NEK10: variants seen among roughly 807,000 people sequenced by gnomAD.
NEK10 encodes NIMA related kinase 10, also known as serine/threonine-protein kinase Nek10.
In NEK10, 122 loss-of-function variants were observed where a neutral mutation model predicts 159.8. That is an observed-to-expected ratio of 0.76 (90% CI 0.66 to 0.89). The LOEUF (loss-of-function observed/expected upper bound fraction) is 0.89. Ranked by LOEUF, NEK10 falls within the 40% of genes least tolerant of loss-of-function variation. NEK10 has a pLI of 0.00. For synonymous variants in NEK10, 466 were observed against 457.1 expected, an observed-to-expected ratio of 1.02 and a Z score of -0.25; for missense variants, 1,342 against 1,323.1, an observed-to-expected ratio of 1.01 and a Z score of -0.22.
chr3:27,366,770 C>T (rs1464912024), intron 1 of NEK10, among the ~76,000 whole-genome samples: 1 of 151,532 alleles, frequency 6.6e-6, no homozygotes, highest in African/African-American at 2.4e-5. Context: ...TGTAAACTCA[C>T]CATGACAATT....
Position 27,352,482 on chromosome 3 carries a change from G to T in NEK10, c.115C>A (p.Gln39Lys). Reference protein sequence around the residue: ...LKRLRCLLNVQSSKQQLPAIN... With the variant: ...LKRLRCLLNVKSSKQQLPAIN... ...AACGCTACCTGTTGTTTGCTTGATT[G>T]GACGTTCAAAAGGCACCGAAGTCTT... Residue 39 changes from glutamine to lysine, a missense_variant, in exon 3 of 36, where the codon CAA becomes AAA. Gln to Lys is a moderately conservative substitution (Grantham distance 53, BLOSUM62 1). Transcript: ENST00000691995. The T allele has an allele frequency of 6.2e-7, 1 of 1,610,664 alleles. No individual in the cohort carries two copies. The highest frequency in any genetic ancestry group is 8.5e-7 in the Non-Finnish European group (1 of 1,177,080).
intron 25 of NEK10, among the ~76,000 whole-genome samples, chr3:27,198,427 A>G (rs1368070289): frequency 6.6e-6 from 1 of 152,156 alleles, no homozygotes; most frequent in East Asian, 1.9e-4. Context: ...TATTGATACA[A>G]AAACAGACAC....
chr3:27,193,740 G>A (rs1210636912), intron 25 of NEK10, among the ~76,000 whole-genome samples: 1 of 150,632 alleles, frequency 6.6e-6, no homozygotes, highest in Non-Finnish European at 1.5e-5. Flanking sequence ...ACTGCCTTCA[G>A]ACAGATATCC....
At chr3:27,204,771 C>A (rs541923028) in intron 23 of NEK10, among the ~76,000 whole-genome samples, 2 of 143,314 alleles carry the variant, frequency 1.4e-5, no homozygotes, top group African/African-American at 5.0e-5. Context: ...AATAAACACA[C>A]GTGTGCATGT....
intron 6 of NEK10, among the ~76,000 whole-genome samples, chr3:27,316,776 A>G (rs2045219951): frequency 3.3e-5 from 1 of 30,618 alleles, no homozygotes; most frequent in East Asian, 9.0e-4. Flanking sequence ...GCATTCTACC[A>G]AAAAAAGAAA....
At chr3:27,304,398 T>C (rs922964817) in intron 12 of NEK10, among the ~76,000 whole-genome samples, 1 of 152,188 alleles carries the variant, frequency 6.6e-6, no homozygotes, top group Non-Finnish European at 1.5e-5. Context: ...CATATACTAA[T>C]TCAAGGAAAA....
At chr3:27,207,003 T>C (rs1466696479) in intron 23 of NEK10, among the ~76,000 whole-genome samples, 2 of 152,176 alleles carry the variant, frequency 1.3e-5, no homozygotes, top group Non-Finnish European at 1.5e-5. Context: ...TCAAACCTAG[T>C]CACTTCAAGC....
intron 1 of NEK10, among the ~76,000 whole-genome samples, chr3:27,365,598 TTTTTTTTTTGTG>T (rs1282937770): frequency 3.2e-4 from 30 of 93,892 alleles, no homozygotes; most frequent in African/African-American, 1.1e-3. Flanking sequence ...GTTTTTTGTG[TTTTTTTTTTGTG>T]TTTTTTTTTT....
intron 32 of NEK10, among the ~76,000 whole-genome samples, chr3:27,123,647 C>T (rs112200532): frequency 1.6e-4 from 25 of 151,938 alleles, no homozygotes; most frequent in African/African-American, 5.6e-4. Flanking sequence ...GAAATGTCCA[C>T]CTAGATACAT....
At chr3:27,356,725 CT>C (rs2149847273) in intron 1 of NEK10, among the ~76,000 whole-genome samples, 1 of 152,300 alleles carries the variant, frequency 6.6e-6, no homozygotes, top group African/African-American at 2.4e-5. Flanking sequence ...GGGGTCTCCT[CT>C]GATGAGTATC....
At chr3:27,149,481 T>A (rs372468248) in intron 30 of NEK10, among the ~76,000 whole-genome samples, 2 of 152,202 alleles carry the variant, frequency 1.3e-5, no homozygotes, top group African/African-American at 4.8e-5. Flanking sequence ...TTTTGGTAAT[T>A]CTTGCAATAT....
chr3:27,109,532 C>T lies in NEK10; in HGVS notation c.*1740G>A, dbSNP rs1311589166. Reference sequence around the variant, plus strand: ...TTTGAATACTATTCTTTCCTAAATTCTGTTTACTATATACTACCATTTGGG... The same window carrying T: ...TTTGAATACTATTCTTTCCTAAATTTTGTTTACTATATACTACCATTTGGG... On this transcript the variant is annotated 3_prime_UTR_variant, in exon 36 of 36. Transcript: ENST00000691995. Among the ~76,000 whole-genome samples the T allele has an allele frequency of 1.3e-5, 2 of 152,122 alleles. No homozygotes were observed. Among genetic ancestry groups the T allele is most frequent in the East Asian group, 1.9e-4 (1 of 5,196 alleles).
At chr3:27,326,358 A>C (rs924938462) in intron 5 of NEK10, among the ~76,000 whole-genome samples, 3 of 152,228 alleles carry the variant, frequency 2.0e-5, no homozygotes, top group African/African-American at 4.8e-5. Context: ...CTAGCAACCT[A>C]GTGATGTTGA....
chr3:27,318,586 T>C (rs143848484), intron 6 of NEK10, among the ~76,000 whole-genome samples: 1 of 152,254 alleles, frequency 6.6e-6, no homozygotes, highest in Non-Finnish European at 1.5e-5. Flanking sequence ...TGTCATGAGA[T>C]GTTGTGTAGC....
At chr3:27,228,093 AG>A (rs1952824332) in intron 23 of NEK10, among the ~76,000 whole-genome samples, 4 of 152,230 alleles carry the variant, frequency 2.6e-5, no homozygotes. Context: ...GAATATTCCT[AG>A]TCACTGGATA....
intron 25 of NEK10, among the ~76,000 whole-genome samples, chr3:27,200,752 G>A (rs973056055): frequency 6.6e-6 from 1 of 152,180 alleles, no homozygotes; most frequent in Non-Finnish European, 1.5e-5. Flanking sequence ...CTGTGAGGTA[G>A]TGGGGCCATC....
Position 27,293,605 on chromosome 3 carries a change from GTTTC to G in NEK10, c.1352_1355del (p.Arg451ThrfsTer20), listed in dbSNP as rs1193305303. 6.4e-7 allele frequency: 1 copy of G among 1,566,582 alleles called. No individual in the cohort carries two copies. Among genetic ancestry groups the G allele is most frequent in the Non-Finnish European group, 8.8e-7 (1 of 1,139,652 alleles). On this transcript the variant is annotated frameshift_variant, in exon 16 of 36. Coordinates refer to ENST00000691995, the MANE Select transcript of NEK10 (RefSeq NM_001394966.1). LOFTEE classifies it high-confidence loss of function. ...CCTCATACCTTTTAAAGAGTGGTCT[GTTTC>G]TTTCCATACTGAAGAGAAATCTCAA...
chr3:27,282,826 A>G (rs530199639), intron 22 of NEK10, among the ~76,000 whole-genome samples: 1 of 151,122 alleles, frequency 6.6e-6, no homozygotes, highest in South Asian at 2.1e-4. Context: ...TTGACATTCC[A>G]GCAAATAAAT....
rs373184906 is a variant in NEK10, at chr3:27,108,694, A to G, written c.*2578T>C. 5.3e-5 allele frequency among the ~76,000 whole-genome samples: 8 copies of G among 152,248 alleles called. No homozygotes were observed. Among genetic ancestry groups the G allele is most frequent in the East Asian group, 3.8e-4 (2 of 5,206 alleles). On this transcript the variant is annotated 3_prime_UTR_variant, in exon 36 of 36. Transcript: ENST00000691995. Reference sequence around the variant, plus strand: ...CAATCAAGAAAAGATTAAGAGGTCTATGAAGTTCATGTAACAACTCCTTTG... The same window carrying G: ...CAATCAAGAAAAGATTAAGAGGTCTGTGAAGTTCATGTAACAACTCCTTTG...
Sources: gnomAD v4.1 joint callset for allele counts (sites outside exome capture counted in the v4.1 genomes callset) on GRCh38, gnomAD v4.1.1 for gene constraint, MANE v1.5 for transcripts, NCBI Gene and HGNC (gene_info 2026-07-23, HGNC 2026-07-21) for gene names.